The following AOPEP variants were observed in gnomAD, a reference collection of about 807,000 sequenced individuals.
AOPEP encodes aminopeptidase O (putative), also known as aminopeptidase O.
In AOPEP, 77 loss-of-function variants were observed where a neutral mutation model predicts 98.1. The observed-to-expected ratio is 0.78, with a 90% CI of 0.65 to 0.95. The LOEUF (loss-of-function observed/expected upper bound fraction) is 0.95. AOPEP is among the 40% of genes least tolerant of loss of function. The probability of loss-of-function intolerance (pLI) is 0.00; values close to 1 mark genes in which losing one functional copy is unlikely to be tolerated. For missense variants in AOPEP, 1,024 were observed against 1,024.7 expected, an observed-to-expected ratio of 1.00 and a Z score of 0.01; for synonymous variants, 346 against 365.3, an observed-to-expected ratio of 0.95 and a Z score of 0.60.
At chr9:95,048,534 A>C (rs1176189880) in intron 13 of AOPEP, among the ~76,000 whole-genome samples, 3 of 152,090 alleles carry the variant, frequency 2.0e-5, no homozygotes, top group East Asian at 3.9e-4. Context: ...GACTGACAGC[A>C]CCGGGACCGA....
At chr9:94,863,177 T>G (rs1005194058) in intron 5 of AOPEP, among the ~76,000 whole-genome samples, 2 of 152,026 alleles carry the variant, frequency 1.3e-5, no homozygotes, top group African/African-American at 4.8e-5. Context: ...GCTTCTCTCC[T>G]GCTGCTCTAC....
At chr9:94,832,047 A>C (rs1026113004) in intron 5 of AOPEP, among the ~76,000 whole-genome samples, 3 of 152,162 alleles carry the variant, frequency 2.0e-5, no homozygotes, top group Admixed American at 1.3e-4. Flanking sequence ...TTAATCTGAA[A>C]GTGGAGAAAA....
chr9:94,887,396 C>T (rs1182228587), intron 5 of AOPEP, among the ~76,000 whole-genome samples: 1 of 151,890 alleles, frequency 6.6e-6, no homozygotes, highest in Admixed American at 6.6e-5. Context: ...GTTAAATTCA[C>T]ACAGGATGGA....
chr9:95,029,707 G>A (rs1234690932), intron 13 of AOPEP, among the ~76,000 whole-genome samples: 3 of 152,152 alleles, frequency 2.0e-5, no homozygotes, highest in Admixed American at 2.0e-4. Flanking sequence ...GCTTATCAGG[G>A]GCATGGTGAG....
chr9:94,819,946 C>CTTTTT (rs11423201), intron 5 of AOPEP, among the ~76,000 whole-genome samples: 35,653 of 120,964 alleles, frequency 0.29, 6,425 homozygotes, highest in Non-Finnish European at 0.39. Flanking sequence ...TAGTGCAATT[C>CTTTTT]TTTTTTTTTT....
chr9:94,732,873 C>T (rs1441630224), intron 1 of AOPEP, among the ~76,000 whole-genome samples: 1 of 152,210 alleles, frequency 6.6e-6, no homozygotes, highest in African/African-American at 2.4e-5. Context: ...TAGCACAGAT[C>T]TGTCTGTGTC....
intron 5 of AOPEP, among the ~76,000 whole-genome samples, chr9:94,893,152 A>G (rs1377263765): frequency 6.6e-6 from 1 of 152,244 alleles, no homozygotes; most frequent in Non-Finnish European, 1.5e-5. Flanking sequence ...GTGACGTGGT[A>G]GAATGGCAAC....
At chr9:94,775,086 G>A (rs753654749) in intron 3 of AOPEP, among the ~76,000 whole-genome samples, 4 of 151,776 alleles carry the variant, frequency 2.6e-5, no homozygotes, top group Non-Finnish European at 5.9e-5. Context: ...CCAGCTTTTG[G>A]TATATCTTTT....
intron 13 of AOPEP, among the ~76,000 whole-genome samples, chr9:95,038,665 A>G (rs570033491): frequency 1.3e-5 from 2 of 152,330 alleles, no homozygotes; most frequent in South Asian, 4.1e-4. Context: ...GCATCTCCTC[A>G]AGGGAACGAG....
the AOPEP span, chr9:95,110,863 CTT>C: frequency 8.4e-7 from 1 of 1,193,842 alleles, no homozygotes; most frequent in Non-Finnish European, 1.0e-6. Flanking sequence ...TAACAACTGT[CTT>C]TGCCACAGAC....
intron 12 of AOPEP, 78 bp from the exon 13 acceptor site, chr9:95,005,464 T>C (rs1489065489): frequency 3.7e-6 from 5 of 1,363,794 alleles, no homozygotes; most frequent in Non-Finnish European, 2.1e-6. Context: ...AGGCCGGGGG[T>C]CTCTGCTTTC....
At chr9:94,983,020 G>GTTTTGT (rs148742287) in intron 11 of AOPEP, among the ~76,000 whole-genome samples, 16 of 151,558 alleles carry the variant, frequency 1.1e-4, no homozygotes, top group African/African-American at 2.4e-4. Flanking sequence ...GTTTTGTTTT[G>GTTTTGT]TTTTGTTTTT....
chr9:94,950,504 C>G (rs2058026425), intron 7 of AOPEP, among the ~76,000 whole-genome samples: 1 of 152,206 alleles, frequency 6.6e-6, no homozygotes, highest in African/African-American at 2.4e-5. Flanking sequence ...CCCTGCAGGT[C>G]TCACCTGTGC....
At chr9:94,746,996 C>T (rs985224368) in intron 1 of AOPEP, among the ~76,000 whole-genome samples, 2 of 150,886 alleles carry the variant, frequency 1.3e-5, no homozygotes, top group Admixed American at 1.3e-4. Flanking sequence ...TGATCTTCAA[C>T]ACAGGCACTT....
chr9:95,080,839 A>G lies in AOPEP; in HGVS notation c.2319+59A>G, dbSNP rs1234700744. On this transcript the variant is annotated intron_variant, in intron 15 of 16. Coordinates refer to ENST00000375315, the MANE Select transcript of AOPEP (RefSeq NM_001193329.3). ...TAAAGGCTGTCCCTGCACTTCACACAGGAATCCACGTTCTCAGTATCTCTT... is the reference window on the plus strand; with the variant it reads ...TAAAGGCTGTCCCTGCACTTCACACGGGAATCCACGTTCTCAGTATCTCTT... 4 of 1,098,792 alleles carry G rather than the reference A, an allele frequency of 3.6e-6. No homozygotes were observed. In the South Asian group the frequency reaches 5.0e-5, roughly 14 times the overall value. 68.1% of individuals were successfully genotyped at this position (1,098,792 alleles called of 1,614,324 possible).
At chr9:95,101,700 G>A in the AOPEP span, 17 of 1,613,544 alleles carry the variant, frequency 1.1e-5, no homozygotes, top group African/African-American at 2.7e-5. Flanking sequence ...CACGGCCTGC[G>A]TGCCTTCTAG....
the AOPEP span, among the ~76,000 whole-genome samples, chr9:95,095,990 CCTTA>C: frequency 6.6e-6 from 1 of 152,244 alleles, no homozygotes; most frequent in East Asian, 1.9e-4. Flanking sequence ...TAAGCGAAAT[CCTTA>C]TTTATCTAAG....
At chr9:94,831,971 G>T (rs2134471259) in intron 5 of AOPEP, among the ~76,000 whole-genome samples, 1 of 152,194 alleles carries the variant, frequency 6.6e-6, no homozygotes, top group African/African-American at 2.4e-5. Context: ...TATTCTCCAA[G>T]GGACTGAAGG....
intron 9 of AOPEP, among the ~76,000 whole-genome samples, chr9:94,963,748 A>G (rs1364290722): frequency 1.3e-5 from 2 of 152,228 alleles, no homozygotes; most frequent in East Asian, 3.8e-4. Flanking sequence ...CCTTGTCCAA[A>G]TAAGATTTAT....
Sources: allele counts gnomAD v4.1 joint callset (sites outside exome capture counted in the v4.1 genomes callset), GRCh38; gene constraint gnomAD v4.1.1; transcripts MANE v1.5; gene names NCBI Gene and HGNC (gene_info 2026-07-23, HGNC 2026-07-21).